TBC1D32: variants seen among roughly 807,000 people sequenced by gnomAD.
TBC1D32 encodes protein broad-minded.
TBC1D32 carries 151 observed loss-of-function variants against 170.3 expected under a neutral mutation model. That is an observed-to-expected ratio of 0.89 (90% CI 0.78 to 1.01). The LOEUF (loss-of-function observed/expected upper bound fraction) is 1.01, where lower values mean the gene tolerates loss of function less well. TBC1D32 is among the 50% of genes least tolerant of loss of function. TBC1D32 has a pLI of 0.00. For synonymous variants in TBC1D32, 498 were observed against 488.0 expected, an observed-to-expected ratio of 1.02 and a Z score of -0.27; for missense variants, 1,464 against 1,457.1, an observed-to-expected ratio of 1.00 and a Z score of -0.08.
intron 22 of TBC1D32, among the ~76,000 whole-genome samples, chr6:121,199,858 T>C (rs1312812050): frequency 1.3e-5 from 2 of 151,426 alleles, no homozygotes; most frequent in Non-Finnish European, 2.9e-5. Context: ...TTGGCTATGT[T>C]TGTTACTTGT....
chr6:121,290,613 C>A (rs1804682576), intron 12 of TBC1D32, among the ~76,000 whole-genome samples: 1 of 152,172 alleles, frequency 6.6e-6, no homozygotes. Flanking sequence ...GGATCGTGAA[C>A]TAGAAATACC....
At chr6:121,271,935 C>A (rs1457151998) in intron 15 of TBC1D32, among the ~76,000 whole-genome samples, 1 of 151,944 alleles carries the variant, frequency 6.6e-6, no homozygotes. Context: ...CAGAACAGAG[C>A]CCTCAGAAAT....
At chr6:121,210,124 A>G (rs1458113446) in intron 21 of TBC1D32, among the ~76,000 whole-genome samples, 1 of 152,232 alleles carries the variant, frequency 6.6e-6, no homozygotes, top group African/African-American at 2.4e-5. Context: ...ATTTTGGTAG[A>G]TACCTGACAT....
chr6:121,140,635 A>G (rs1282320169), intron 24 of TBC1D32, among the ~76,000 whole-genome samples: 4 of 152,104 alleles, frequency 2.6e-5, no homozygotes, highest in Admixed American at 2.6e-4. Flanking sequence ...TACTGAAGCT[A>G]TAAAAGACTA....
chr6:121,265,223 A>G (rs761657315), intron 15 of TBC1D32, among the ~76,000 whole-genome samples: 19 of 152,212 alleles, frequency 1.2e-4, no homozygotes, highest in Non-Finnish European at 2.6e-4. Flanking sequence ...AAGTCCCAGT[A>G]TATAAAATCA....
chr6:121,161,106 T>C (rs1432666120), intron 22 of TBC1D32, 50 bp from the exon 23 acceptor site: 2 of 1,363,350 alleles, frequency 1.5e-6, no homozygotes. Context: ...TGAATATGTG[T>C]TAATTTTTAA....
intron 12 of TBC1D32, among the ~76,000 whole-genome samples, chr6:121,291,606 A>G (rs1804882067): frequency 1.3e-5 from 2 of 152,166 alleles, no homozygotes; most frequent in African/African-American, 4.8e-5. Context: ...ATACAAAATG[A>G]CACAGGGCTT....
intron 16 of TBC1D32, among the ~76,000 whole-genome samples, 197 bp from the exon 17 acceptor site, chr6:121,255,607 C>T (rs1333715230): frequency 1.4e-5 from 2 of 142,636 alleles, no homozygotes; most frequent in African/African-American, 5.6e-5. Context: ...TCAAAATTAT[C>T]TTCAAATTTT....
At chr6:121,232,564 T>C (rs1360524156) in intron 20 of TBC1D32, among the ~76,000 whole-genome samples, 2 of 152,170 alleles carry the variant, frequency 1.3e-5, no homozygotes, top group Non-Finnish European at 2.9e-5. Flanking sequence ...ACATGAAATG[T>C]CTTTCCATTT....
At chr6:121,120,944 A>T (rs900951194) in intron 26 of TBC1D32, among the ~76,000 whole-genome samples, 5 of 152,024 alleles carry the variant, frequency 3.3e-5, no homozygotes, top group Non-Finnish European at 7.4e-5. Context: ...ATATAGGGTC[A>T]TCTGTATATT....
chr6:121,190,641 T>G (rs2128285951), intron 22 of TBC1D32, among the ~76,000 whole-genome samples: 1 of 152,300 alleles, frequency 6.6e-6, no homozygotes, highest in South Asian at 2.1e-4. Flanking sequence ...TTGGATATGG[T>G]GAATCCTCTA....
chr6:121,113,403 C>A (rs981283278), intron 27 of TBC1D32, among the ~76,000 whole-genome samples: 1 of 152,076 alleles, frequency 6.6e-6, no homozygotes, highest in African/African-American at 2.4e-5. Context: ...ATGATGATAT[C>A]CTGTAGATGA....
chr6:121,170,920 C>A lies in TBC1D32; in HGVS notation c.2571-9864G>T, dbSNP rs1786890251. 2.6e-5 allele frequency among the ~76,000 whole-genome samples: 4 copies of A among 151,964 alleles called. 1 individual carries two copies. The South Asian group carries it at 8.3e-4, about 32-fold the overall frequency. The stretch of plus-strand genomic sequence containing the variant: ...TTATGACAGAATCATCATTTTGCTG[C>A]CAATCTAGAAAATGTTCATTAGATA... On this transcript the variant is annotated intron_variant, in intron 22 of 31. Coordinates refer to ENST00000398212, the MANE Select transcript of TBC1D32 (RefSeq NM_152730.6).
At chr6:121,097,859 T>C (rs1777599451) in intron 30 of TBC1D32, among the ~76,000 whole-genome samples, 1 of 152,112 alleles carries the variant, frequency 6.6e-6, no homozygotes, top group African/African-American at 2.4e-5. Flanking sequence ...TGGAATAGTA[T>C]GCAGCCATAA....
intron 19 of TBC1D32, among the ~76,000 whole-genome samples, 154 bp downstream of exon 19, chr6:121,241,311 A>C (rs1233734323): frequency 6.6e-6 from 1 of 152,214 alleles, no homozygotes; most frequent in Non-Finnish European, 1.5e-5. Flanking sequence ...GACAAAAAGA[A>C]AATCCTGTAA....
At chr6:121,199,776 T>G (rs1422648089) in intron 22 of TBC1D32, among the ~76,000 whole-genome samples, 2 of 151,466 alleles carry the variant, frequency 1.3e-5, no homozygotes, top group African/African-American at 4.9e-5. Context: ...GTTAATCACA[T>G]TTAAGTCTAG....
chr6:121,181,647 A>C (rs768713988), intron 22 of TBC1D32, among the ~76,000 whole-genome samples: 5 of 152,092 alleles, frequency 3.3e-5, no homozygotes, highest in Non-Finnish European at 5.9e-5. Flanking sequence ...AGAAGAGGAA[A>C]TCAGTATATC....
At chr6:121,089,694 A>C (rs1477300316) in intron 31 of TBC1D32, among the ~76,000 whole-genome samples, 1 of 152,216 alleles carries the variant, frequency 6.6e-6, no homozygotes, top group Non-Finnish European at 1.5e-5. Flanking sequence ...TGAAATAAAA[A>C]TGATAATTTG....
chr6:121,083,670 A>G (rs915069301), intron 31 of TBC1D32, among the ~76,000 whole-genome samples: 2 of 152,150 alleles, frequency 1.3e-5, no homozygotes, highest in Non-Finnish European at 2.9e-5. Flanking sequence ...CTAGTCAATG[A>G]AAAACAACTT....
Sources: allele counts gnomAD v4.1 joint callset (sites outside exome capture counted in the v4.1 genomes callset), GRCh38; gene constraint gnomAD v4.1.1; transcripts MANE v1.5; gene names NCBI Gene and HGNC (gene_info 2026-07-23, HGNC 2026-07-21).